Variants in ENO3 observed in about 807,000 individuals in gnomAD.
ENO3 encodes enolase 3.
In ENO3, 46 loss-of-function variants were observed where a neutral mutation model predicts 47.7. The ratio of observed to expected loss-of-function variants is 0.96; its 90% CI spans 0.76 to 1.23. ENO3 has a LOEUF of 1.23. Among genes scored for constraint, ENO3 ranks in the 50% most tolerant of loss-of-function variants. ENO3 has a pLI of 0.00. For missense variants in ENO3, 575 were observed against 566.2 expected (o/e 1.02, Z -0.16); for synonymous variants, 223 against 225.9 (o/e 0.99, Z 0.11).
At chr17:4,952,009 G>T (rs979322779) in intron 2 of ENO3, 95 bp downstream of exon 2, 2 of 1,382,712 alleles carry the variant, frequency 1.4e-6, no homozygotes, top group Non-Finnish European at 1.0e-6. Flanking sequence ...CCTTTCTCTC[G>T]GGTTCCCTTT....
Position 4,955,575 on chromosome 17 carries a change from TG to T in ENO3, c.837del (p.Tyr280IlefsTer32), listed in dbSNP as rs1971698411. 1.2e-6 allele frequency: 2 copies of T among 1,614,232 alleles called. No individual in the cohort carries two copies. Among genetic ancestry groups the T allele is most frequent in the East Asian group, 4.5e-5 (2 of 44,884 alleles). ...RHITGEKLGELYKSFIKNYPV... is the reference protein window; with the variant it reads ...RHITGEKLGEXYKSFIKNYPV... ...ATCACTGGGGAGAAGCTCGGAGAGCTGTATAAGAGCTTTATCAAGAACTATC... is the reference window on the plus strand; with the variant it reads ...ATCACTGGGGAGAAGCTCGGAGAGCTTATAAGAGCTTTATCAAGAACTATC... On this transcript the variant is annotated frameshift_variant, in exon 8 of 12. Coordinates refer to ENST00000519602, the MANE Select transcript of ENO3 (RefSeq NM_053013.4). LOFTEE classifies it high-confidence loss of function.
upstream of ENO3, chr17:4,948,836 AGAAG>A (rs1597691323): frequency 2.5e-5 from 4 of 160,886 alleles, no homozygotes; most frequent in Admixed American, 1.3e-4. Context: ...GTGAGCCAGA[AGAAG>A]GAAGGAAGGA....
rs770147328 is a variant in ENO3 at position 4,952,780 on chromosome 17, T to C, written c.86-15T>C. ...CCCAGCCATCCCTGTGATCTTCCAA[T>C]TCCTCCTGTCCCAGGCCGATTCCGA... On this transcript the variant is annotated splice_polypyrimidine_tract_variant and intron_variant, in intron 2 of 11. Coordinates refer to ENST00000519602, the MANE Select transcript of ENO3 (RefSeq NM_053013.4). 4 of 1,600,388 alleles carry C rather than the reference T, an allele frequency of 2.5e-6. No homozygotes were observed. In the African/African-American group the frequency reaches 5.4e-5, roughly 21 times the overall value.
intron 1 of ENO3, 157 bp from the exon 2 acceptor site, chr17:4,951,671 G>T: frequency 1.3e-6 from 1 of 753,600 alleles, no homozygotes; most frequent in Non-Finnish European, 2.3e-6. Context: ...GTGGGGGAGG[G>T]GGCTGCGCCT....
intron 2 of ENO3, 90 bp downstream of exon 2, chr17:4,952,004 C>A: frequency 7.1e-7 from 1 of 1,406,316 alleles, no homozygotes; most frequent in Non-Finnish European, 1.0e-6. Flanking sequence ...CCTCTCCTTT[C>A]TCTCGGGTTC....
At chr17:4,956,215 C>T (rs1597705404) in intron 9 of ENO3, 72 bp downstream of exon 9, 5 of 1,549,888 alleles carry the variant, frequency 3.2e-6, no homozygotes, top group East Asian at 2.3e-5. Context: ...CAGCTACAGT[C>T]TTACCCACCA....
At position 4,952,798 on chromosome 17, in the gene ENO3, G is replaced by T; in HGVS notation, c.89G>T (p.Arg30Leu). 6.2e-7 allele frequency: 1 copy of T among 1,608,882 alleles called. No individual in the cohort carries two copies. Among genetic ancestry groups the T allele is most frequent in the Non-Finnish European group, 8.5e-7 (1 of 1,177,208 alleles). ...VEVDLHTAKG[R>L]FRAAVPSGAS... ...CTTCCAATTCCTCCTGTCCCAGGCCGATTCCGAGCAGCTGTGCCCAGTGGG... is the reference window on the plus strand; with the variant it reads ...CTTCCAATTCCTCCTGTCCCAGGCCTATTCCGAGCAGCTGTGCCCAGTGGG... Residue 30 changes from arginine (R) to leucine (L), a missense_variant, in exon 3 of 12, where the codon CGA becomes CTA. Physicochemically the swap from Arg to Leu is moderately radical, Grantham distance 102. Coordinates refer to ENST00000519602, the MANE Select transcript of ENO3 (RefSeq NM_053013.4).
chr17:4,951,367 G>A (rs1597695224), intron 1 of ENO3, 185 bp downstream of exon 1: 1 of 894,704 alleles, frequency 1.1e-6, no homozygotes, highest in East Asian at 7.6e-5. Flanking sequence ...AAGGATCTAG[G>A]GAAAGGAGGC....
chr17:4,953,001 A>G (rs1164215513), intron 3 of ENO3, 50 bp from the exon 4 acceptor site: 1 of 1,613,086 alleles, frequency 6.2e-7, no homozygotes, highest in Admixed American at 1.7e-5. Context: ...GGGTCCACAG[A>G]AAGGGGCCCA....
upstream of ENO3, among the ~76,000 whole-genome samples, chr17:4,949,736 G>GC (rs1477944867): frequency 2.0e-5 from 3 of 152,134 alleles, no homozygotes. Context: ...CGCGGCCCGG[G>GC]CGGAAAGGGG....
chr17:4,956,215 C>A, intron 9 of ENO3, 72 bp downstream of exon 9: 1 of 1,549,886 alleles, frequency 6.5e-7, no homozygotes, highest in Non-Finnish European at 8.8e-7. Flanking sequence ...CAGCTACAGT[C>A]TTACCCACCA....
chr17:4,953,621 T>C (rs1421822410), intron 5 of ENO3, 91 bp from the exon 6 acceptor site: 1 of 1,606,870 alleles, frequency 6.2e-7, no homozygotes, highest in African/African-American at 1.3e-5. Context: ...TTCTTCATGC[T>C]CAGTGGTTTG....
At position 4,952,761 on chromosome 17, in the gene ENO3, C is replaced by T. The variant is rs904594101; in HGVS notation, c.86-34C>T. On this transcript the variant is annotated intron_variant, in intron 2 of 11. Coordinates refer to ENST00000519602, the MANE Select transcript of ENO3 (RefSeq NM_053013.4). ...ACAGGCATGGGCCACCGCGCCCAGC[C>T]ATCCCTGTGATCTTCCAATTCCTCC... 3.8e-6 allele frequency: 6 copies of T among 1,586,422 alleles called. No homozygotes were observed. In the African/African-American group the frequency reaches 8.1e-5, roughly 21 times the overall value.
chr17:4,954,299 G>T (rs1015916785), intron 6 of ENO3: 5 of 213,446 alleles, frequency 2.3e-5, no homozygotes, highest in Non-Finnish European at 4.8e-5. Flanking sequence ...TAAGAGCATG[G>T]TCTCTAGAGA....
chr17:4,951,794 C>T, intron 1 of ENO3, 34 bp from the exon 2 acceptor site: 1 of 1,605,930 alleles, frequency 6.2e-7, no homozygotes, highest in East Asian at 2.2e-5. Context: ...AAGAGATCAA[C>T]TGTCTACACT....
upstream of ENO3, chr17:4,949,264 C>G (rs1292358870): frequency 1.3e-5 from 2 of 152,402 alleles, no homozygotes; most frequent in East Asian, 3.8e-4. Flanking sequence ...GGGGCCACTT[C>G]TGTCCCCAGC....
Position 4,951,854 on chromosome 17 carries a change from C to CG in ENO3, c.28dup (p.Glu10GlyfsTer36). Reference sequence around the variant, plus strand: ...CATGGCCATGCAGAAAATCTTTGCCCGGGAAATCTTGGACTCCAGGGGCAA... The same window carrying CG: ...CATGGCCATGCAGAAAATCTTTGCCCGGGGAAATCTTGGACTCCAGGGGCAA... On this transcript the variant is annotated frameshift_variant, in exon 2 of 12. Coordinates refer to ENST00000519602, the MANE Select transcript of ENO3 (RefSeq NM_053013.4). LOFTEE classifies it high-confidence loss of function. 1 of 1,614,118 alleles carries CG rather than the reference C, an allele frequency of 6.2e-7. No individual in the cohort carries two copies. The highest frequency in any genetic ancestry group is 8.5e-7 in the Non-Finnish European group (1 of 1,179,996).
At chr17:4,954,912 A>G (rs1450179978) in intron 6 of ENO3, among the ~76,000 whole-genome samples, 163 bp from the exon 7 acceptor site, 2 of 151,302 alleles carry the variant, frequency 1.3e-5, no homozygotes, top group Non-Finnish European at 1.5e-5. Flanking sequence ...AAAAAAAAAA[A>G]AAGAAAGAAA....
At chr17:4,955,721 A>C (rs1971703682) in intron 8 of ENO3, 117 bp downstream of exon 8, 2 of 1,486,100 alleles carry the variant, frequency 1.3e-6, no homozygotes. Flanking sequence ...TAGCCCCATT[A>C]AAATCCCCAT....
Sources: allele counts gnomAD v4.1 joint callset (sites outside exome capture counted in the v4.1 genomes callset), GRCh38; gene constraint gnomAD v4.1.1; transcripts MANE v1.5; gene names NCBI Gene and HGNC (gene_info 2026-07-23, HGNC 2026-07-21).